CKAP2L: variants seen among roughly 807,000 people sequenced by gnomAD.
CKAP2L encodes the protein cytoskeleton-associated protein 2-like.
A neutral mutation model predicts 65.7 loss-of-function variants in CKAP2L; 42 were observed. The ratio of observed to expected loss-of-function variants is 0.64; its 90% CI spans 0.50 to 0.83. The LOEUF is 0.83. Ranked by LOEUF, CKAP2L falls within the 40% of genes least tolerant of loss-of-function variation. The probability of loss-of-function intolerance (pLI) is 0.00; values close to 1 mark genes in which losing one functional copy is unlikely to be tolerated. For synonymous variants in CKAP2L, 325 were observed against 313.5 expected, an observed-to-expected ratio of 1.04 and a Z score of -0.39; for missense variants, 908 against 871.0, an observed-to-expected ratio of 1.04 and a Z score of -0.53.
At chr2:112,739,976 T>TG (rs1218080242) in intron 8 of CKAP2L, among the ~76,000 whole-genome samples, 2 of 152,022 alleles carry the variant, frequency 1.3e-5, no homozygotes, top group East Asian at 3.9e-4. Flanking sequence ...TTTTTTGAGA[T>TG]GGAGTTTCAC....
At chr2:112,743,419 C>A (rs138796085) in intron 6 of CKAP2L, among the ~76,000 whole-genome samples, 10 of 151,984 alleles carry the variant, frequency 6.6e-5, no homozygotes, top group African/African-American at 2.2e-4. Context: ...TGGGATTACA[C>A]GAGTGAGCCA....
At chr2:112,755,009 C>G (rs969773575) in intron 4 of CKAP2L, among the ~76,000 whole-genome samples, 1 of 152,206 alleles carries the variant, frequency 6.6e-6, no homozygotes, top group East Asian at 1.9e-4. Context: ...TACTTACTGT[C>G]TCTTCAGGAG....
chr2:112,748,300 T>G (rs1247136207), intron 5 of CKAP2L, among the ~76,000 whole-genome samples: 1 of 152,128 alleles, frequency 6.6e-6, no homozygotes, highest in Non-Finnish European at 1.5e-5. Context: ...AGAAAAGGAT[T>G]ACCTATAAAG....
intron 4 of CKAP2L, among the ~76,000 whole-genome samples, 177 bp downstream of exon 4, chr2:112,755,800 C>T (rs1313382527): frequency 6.6e-6 from 1 of 151,650 alleles, no homozygotes; most frequent in Non-Finnish European, 1.5e-5. Context: ...TGTGTATGTA[C>T]CACCTAGCCC....
chr2:112,745,529 G>A (rs533635378), intron 6 of CKAP2L, among the ~76,000 whole-genome samples: 352 of 152,016 alleles, frequency 2.3e-3, no homozygotes, highest in African/African-American at 7.9e-3. Context: ...ACAGGTGCCC[G>A]CCACCACGCC....
In CKAP2L at chr2:112,756,565, C is replaced by T. The variant is rs1573234258; in HGVS notation, c.806G>A (p.Arg269Lys). The change falls in exon 4 of 9, where the codon AGA becomes AAA. Residue 269 changes from arginine to lysine, a missense_variant. Coordinates refer to ENST00000302450, the MANE Select transcript of CKAP2L (RefSeq NM_152515.5). ...QQLSRGADLA[R>K]PGVKPSRTVP... Reference sequence around the variant, plus strand: ...CGTCCTTGAGGGTTTTACTCCTGGTCTTGCAAGATCTGCTCCTCTAGAGAG... The same window carrying T: ...CGTCCTTGAGGGTTTTACTCCTGGTTTTGCAAGATCTGCTCCTCTAGAGAG... The T allele has an allele frequency of 6.2e-7, 1 of 1,612,138 alleles. No homozygotes were observed. Among genetic ancestry groups the T allele is most frequent in the African/African-American group, 1.3e-5 (1 of 74,766 alleles).
In CKAP2L at chr2:112,746,427, C is replaced by T. The variant is rs1182339637; in HGVS notation, c.1751G>A (p.Gly584Glu). The T allele has an allele frequency of 6.2e-7, 1 of 1,609,394 alleles. No individual in the cohort carries two copies. The highest frequency in any genetic ancestry group is 1.3e-5 in the African/African-American group (1 of 74,940). Residue 584 changes from glycine to glutamate, a missense_variant, in exon 6 of 9, where the codon GGG becomes GAG. Gly to Glu is a moderately conservative substitution (Grantham distance 98, BLOSUM62 -2). Transcript: ENST00000302450. ...IGLYEEAIKN[G>E]ATPIQELRKV... ...CCCAAGACAGATACTCACTGTTGCCCCATTTTTAATGGCCTCTTCATATAG... is the reference window on the plus strand; with the variant it reads ...CCCAAGACAGATACTCACTGTTGCCTCATTTTTAATGGCCTCTTCATATAG...
chr2:112,756,415 C>T lies in CKAP2L; in HGVS notation c.956G>A (p.Arg319Gln), dbSNP rs34015720. Reference protein sequence around the residue: ...QYERPNETKIRSYPVTEQRVK... With the variant: ...QYERPNETKIQSYPVTEQRVK... ...TCTCTGTTCAGTAACAGGGTATGAC[C>T]GTATCTTAGTTTCATTTGGTCTTTC... Residue 319 changes from arginine (R) to glutamine (Q), a missense_variant, in exon 4 of 9, where the codon CGG becomes CAG. By Grantham distance (43) the Arg-to-Gln change is conservative (BLOSUM62 1). Coordinates refer to ENST00000302450, the MANE Select transcript of CKAP2L (RefSeq NM_152515.5). The T allele has an allele frequency of 1.3e-5, 21 of 1,613,788 alleles. No homozygotes were observed. The highest frequency in any genetic ancestry group is 1.6e-4 in the Middle Eastern group (1 of 6,084).
chr2:112,747,302 G>A (rs1323732932), intron 5 of CKAP2L, among the ~76,000 whole-genome samples: 1 of 152,074 alleles, frequency 6.6e-6, no homozygotes, highest in East Asian at 1.9e-4. Context: ...AATAGAAAAT[G>A]TTTATCATAG....
chr2:112,738,757 T>TG lies in CKAP2L; in HGVS notation c.*65dup. 1 of 1,104,208 alleles carries TG rather than the reference T, an allele frequency of 9.1e-7. No homozygotes were observed. 68.4% of individuals were successfully genotyped at this position (1,104,208 alleles called of 1,614,324 possible). A position where few individuals can be genotyped will look rare whatever the true frequency, so the allele number is the denominator to read the frequency against. ...TGCCTCTCTTTTTTTCCAGGTCACT[T>TG]GGACAAGAATATTTCTTGTCTTATG... On this transcript the variant is annotated 3_prime_UTR_variant, in exon 9 of 9. Transcript: ENST00000302450.
In CKAP2L at chr2:112,756,339, A is replaced by T; in HGVS notation, c.1032T>A (p.Tyr344Ter). 6.2e-7 allele frequency: 1 copy of T among 1,613,634 alleles called. No individual in the cohort carries two copies. The highest frequency in any genetic ancestry group is 8.5e-7 in the Non-Finnish European group (1 of 1,179,796). Reference sequence around the variant, plus strand: ...GCTTGATGTTTGGATGTCTGTTGTTATATTCACCCTGAAGCAAACTGGGGT... The same window carrying T: ...GCTTGATGTTTGGATGTCTGTTGTTTTATTCACCCTGAAGCAAACTGGGGT... ...RTYPSLLQGEYNNRHPNIKQD... is the reference protein window; with the variant it reads ...RTYPSLLQGE The change falls in exon 4 of 9, where the codon TAT becomes TAA. Residue 344 changes from tyrosine (Y) to a stop codon, truncating the protein, a stop_gained. Coordinates refer to ENST00000302450, the MANE Select transcript of CKAP2L (RefSeq NM_152515.5). LOFTEE classifies it high-confidence loss of function.
intron 4 of CKAP2L, among the ~76,000 whole-genome samples, chr2:112,755,676 C>T (rs1680509021): frequency 2.0e-5 from 3 of 151,856 alleles, no homozygotes; most frequent in South Asian, 2.1e-4. Context: ...ACTTATTGAA[C>T]GAGTGTCTAC....
intron 6 of CKAP2L, among the ~76,000 whole-genome samples, chr2:112,743,888 T>G (rs755397812): frequency 1.3e-5 from 2 of 152,256 alleles, no homozygotes; most frequent in East Asian, 3.8e-4. Flanking sequence ...TTTTCAAGTA[T>G]GTAAACCATG....
At chr2:112,746,012 A>C (rs1336500606) in intron 6 of CKAP2L, among the ~76,000 whole-genome samples, 1 of 152,234 alleles carries the variant, frequency 6.6e-6, no homozygotes, top group African/African-American at 2.4e-5. Flanking sequence ...TTACTGAACG[A>C]AACTTATCAA....
chr2:112,750,240 G>A (rs1574329947), intron 5 of CKAP2L, among the ~76,000 whole-genome samples: 1 of 152,264 alleles, frequency 6.6e-6, no homozygotes, highest in East Asian at 1.9e-4. Context: ...GTTCCTGTGT[G>A]CTGTCAGCCC....
intron 5 of CKAP2L, among the ~76,000 whole-genome samples, chr2:112,749,270 T>G (rs539906147): frequency 9.8e-5 from 15 of 152,318 alleles, no homozygotes; most frequent in African/African-American, 3.6e-4. Context: ...AAAGCAGGTG[T>G]GGCAAGATTA....
chr2:112,752,696 AG>A, intron 4 of CKAP2L, among the ~76,000 whole-genome samples: 1 of 152,334 alleles, frequency 6.6e-6, no homozygotes, highest in South Asian at 2.1e-4. Context: ...ACACGTGGCC[AG>A]CACTTCAGAC....
At chr2:112,747,783 G>A (rs1168387564) in intron 5 of CKAP2L, among the ~76,000 whole-genome samples, 1 of 152,142 alleles carries the variant, frequency 6.6e-6, no homozygotes, top group Non-Finnish European at 1.5e-5. Context: ...ACATGAAAGA[G>A]GCATAAAACT....
intron 3 of CKAP2L, 103 bp from the exon 4 acceptor site, chr2:112,757,317 TAGAA>T: frequency 1.2e-6 from 1 of 829,468 alleles, no homozygotes; most frequent in Non-Finnish European, 1.8e-6. Flanking sequence ...TAATCATTTT[TAGAA>T]TTTCATCTAA....
Sources: allele counts gnomAD v4.1 joint callset (sites outside exome capture counted in the v4.1 genomes callset), GRCh38; gene constraint gnomAD v4.1.1; transcripts MANE v1.5; gene names NCBI Gene and HGNC (gene_info 2026-07-23, HGNC 2026-07-21).